EPG5: variants seen among roughly 807,000 people sequenced by gnomAD.
EPG5 encodes ectopic P-granules 5 autophagy tethering factor.
EPG5 carries 159 observed loss-of-function variants against 302.7 expected under a neutral mutation model. The observed-to-expected ratio is 0.53, with a 90% CI of 0.46 to 0.60. The LOEUF is 0.60. Ranked by LOEUF, EPG5 falls within the 20% of genes least tolerant of loss-of-function variation. The pLI is 0.00. For missense variants in EPG5, 2,896 were observed against 3,092.4 expected (o/e 0.94, Z 1.51); for synonymous variants, 1,158 against 1,136.8 (o/e 1.02, Z -0.37).
intron 11 of EPG5, among the ~76,000 whole-genome samples, chr18:45,931,773 T>C (rs2050402532): frequency 6.6e-6 from 1 of 152,198 alleles, no homozygotes; most frequent in South Asian, 2.1e-4. Context: ...AGGCGGAGGT[T>C]GCAGTGAGCC....
At chr18:45,930,623 G>A in intron 12 of EPG5, 53 bp downstream of exon 12, 3 of 1,442,368 alleles carry the variant, frequency 2.1e-6, no homozygotes, top group Non-Finnish European at 1.8e-6. Flanking sequence ...TCAACAGATG[G>A]ACAATCCAAA....
intron 39 of EPG5, among the ~76,000 whole-genome samples, chr18:45,862,280 C>G (rs2048651241): frequency 6.6e-6 from 1 of 152,146 alleles, no homozygotes; most frequent in Non-Finnish European, 1.5e-5. Context: ...TTTATTTTCT[C>G]TTTATTATTT....
At chr18:45,842,360 A>C in the EPG5 span, 1 of 632,330 alleles carries the variant, frequency 1.6e-6, no homozygotes. Context: ...CTGGCCTCCT[A>C]TGTGGACAAC....
intron 9 of EPG5, among the ~76,000 whole-genome samples, chr18:45,941,993 G>A (rs147891793): frequency 0.1 from 15,166 of 152,196 alleles, 892 homozygotes; most frequent in African/African-American, 0.16. Context: ...GGAGGCCAAG[G>A]CAGGCAGATC....
At chr18:45,964,689 C>T (rs1359290044) in intron 1 of EPG5, among the ~76,000 whole-genome samples, 2 of 152,110 alleles carry the variant, frequency 1.3e-5, no homozygotes, top group Admixed American at 6.6e-5. Context: ...ATTTCTGAGC[C>T]GGGTGTGGTG....
chr18:45,895,730 G>A (rs1048410628), intron 27 of EPG5, among the ~76,000 whole-genome samples: 1 of 152,174 alleles, frequency 6.6e-6, no homozygotes, highest in African/African-American at 2.4e-5. Context: ...ATAGCCATGA[G>A]GTGGTCACTG....
At position 45,927,035 on chromosome 18, in the gene EPG5, C is replaced by CTT. The variant is rs372779886; in HGVS notation, c.2554-1135_2554-1134dup. Among the ~76,000 whole-genome samples, 164 of 138,030 alleles carry CTT rather than the reference C, an allele frequency of 1.2e-3. 1 individual carries two copies. Among genetic ancestry groups the CTT allele is most frequent in the Middle Eastern group, 3.8e-3 (1 of 260 alleles). The allele number at this position is 138,030 out of a possible 152,430, so 90.6% of individuals were successfully genotyped here. ...CAGTAGCATACAATGTTTTTCTTTTCTTTTTTTTTTTTTTTGAGACAGAGT... is the reference window on the plus strand; with the variant it reads ...CAGTAGCATACAATGTTTTTCTTTTCTTTTTTTTTTTTTTTTTGAGACAGAGT... On this transcript the variant is annotated intron_variant, in intron 13 of 43. Coordinates refer to ENST00000282041, the MANE Select transcript of EPG5 (RefSeq NM_020964.3).
At chr18:45,835,567 G>C in the EPG5 span, among the ~76,000 whole-genome samples, 1 of 152,154 alleles carries the variant, frequency 6.6e-6, no homozygotes, top group African/African-American at 2.4e-5. Context: ...ATTTCGTAGA[G>C]GTCAGTCACT....
the EPG5 span, chr18:45,836,888 T>G: frequency 5.1e-6 from 3 of 589,380 alleles, no homozygotes; most frequent in South Asian, 2.1e-5. Context: ...CAGCCTCTAG[T>G]GCACTAGAAT....
chr18:45,864,222 C>T (rs2048694685), intron 39 of EPG5, among the ~76,000 whole-genome samples: 2 of 152,186 alleles, frequency 1.3e-5, no homozygotes, highest in South Asian at 4.1e-4. Context: ...CAGCAATCCT[C>T]CTGCCTCCGC....
Position 45,913,757 on chromosome 18 carries a change from A to C in EPG5, c.3765T>G (p.Ile1255Met). The stretch of plus-strand genomic sequence containing the variant: ...CAGAGTTTATCACCAATTCCCCTTC[A>C]ATAACTCTCCGGAGCTGGGAGTCCT... ...FEEDSQLRRV[I>M]EGELVINSAF... The change falls in exon 21 of 44, where the codon ATT (isoleucine) becomes ATG (methionine). Residue 1255 changes from isoleucine to methionine, a missense_variant. Coordinates refer to ENST00000282041, the MANE Select transcript of EPG5 (RefSeq NM_020964.3). The C allele has an allele frequency of 6.2e-7, 1 of 1,614,150 alleles. No homozygotes were observed. Among genetic ancestry groups the C allele is most frequent in the Non-Finnish European group, 8.5e-7 (1 of 1,180,018 alleles).
the EPG5 span, among the ~76,000 whole-genome samples, chr18:45,810,335 A>G: frequency 6.6e-6 from 1 of 152,210 alleles, no homozygotes. Context: ...CAAGATGGAG[A>G]AAGAAGGAAC....
chr18:45,912,985 G>A (rs889476116), intron 21 of EPG5, among the ~76,000 whole-genome samples: 3 of 151,982 alleles, frequency 2.0e-5, no homozygotes, highest in Admixed American at 6.6e-5. Context: ...CTACTCGGGA[G>A]GCTGAGGCAT....
the EPG5 span, chr18:45,829,183 G>A: frequency 1.0e-6 from 1 of 983,518 alleles, no homozygotes; most frequent in East Asian, 1.1e-4. Context: ...CATCAGCTCA[G>A]GTAAGCAGGG....
intron 10 of EPG5, among the ~76,000 whole-genome samples, 197 bp from the exon 11 acceptor site, chr18:45,935,163 T>C (rs538381485): frequency 6.6e-6 from 1 of 152,346 alleles, no homozygotes; most frequent in Non-Finnish European, 1.5e-5. Flanking sequence ...CAGGGACTGT[T>C]CTAACCACAA....
At chr18:45,865,017 A>G (rs1016986143) in intron 39 of EPG5, among the ~76,000 whole-genome samples, 2 of 152,076 alleles carry the variant, frequency 1.3e-5, no homozygotes, top group African/African-American at 4.8e-5. Context: ...CCTGGGCTTT[A>G]CCACCTCCCC....
chr18:45,919,552 G>A (rs1412069884), intron 16 of EPG5, among the ~76,000 whole-genome samples: 6 of 146,314 alleles, frequency 4.1e-5, no homozygotes, highest in South Asian at 2.1e-4. Context: ...TCGCTCTGTC[G>A]CCCAGGCTGG....
chr18:45,871,223 A>T (rs1053764088), intron 35 of EPG5, among the ~76,000 whole-genome samples: 7 of 152,244 alleles, frequency 4.6e-5, no homozygotes, highest in African/African-American at 1.7e-4. Flanking sequence ...CTAAAACCAC[A>T]ACAATGTATC....
At chr18:45,939,854 G>T in intron 9 of EPG5, 99 bp from the exon 10 acceptor site, 1 of 1,102,050 alleles carries the variant, frequency 9.1e-7, no homozygotes. Context: ...CATATTTATT[G>T]AGCACCTACT....
Sources: allele counts gnomAD v4.1 joint callset (sites outside exome capture counted in the v4.1 genomes callset), GRCh38; gene constraint gnomAD v4.1.1; transcripts MANE v1.5; gene names NCBI Gene and HGNC (gene_info 2026-07-23, HGNC 2026-07-21).